Variants in NCOR2 observed in about 807,000 individuals in gnomAD.
The protein encoded by NCOR2 is CTG repeat protein 26.
NCOR2 carries 81 observed loss-of-function variants against 262.9 expected under a neutral mutation model. That is an observed-to-expected ratio of 0.31 (90% confidence interval 0.26 to 0.37). The LOEUF (loss-of-function observed/expected upper bound fraction) is 0.37, where lower values mean the gene tolerates loss of function less well. Among genes scored for constraint, NCOR2 ranks in the 10% least tolerant of loss-of-function variants. NCOR2 has a pLI of 1.00. For synonymous variants in NCOR2, 1,659 were observed against 1,559.3 expected (o/e 1.06, Z -1.51); for missense variants, 3,385 against 3,621.4 (o/e 0.93, Z 1.68).
chr12:124,444,143 G>A (rs1046189903), intron 7 of NCOR2, among the ~76,000 whole-genome samples: 48 of 152,210 alleles, frequency 3.2e-4, no homozygotes, highest in African/African-American at 1.1e-3. Flanking sequence ...GTTCCAAGCA[G>A]TGTTTAGGCA....
intron 18 of NCOR2, among the ~76,000 whole-genome samples, chr12:124,377,309 A>C (rs1488922188): frequency 6.6e-6 from 1 of 152,100 alleles, no homozygotes. Flanking sequence ...GGTGCAAACA[A>C]CACACTCCGT....
At chr12:124,497,287 G>A (rs1394879178), upstream of NCOR2, among the ~76,000 whole-genome samples, 2 of 152,188 alleles carry the variant, frequency 1.3e-5, no homozygotes, top group Non-Finnish European at 2.9e-5. The surrounding 1 kb of genome is among the most constrained non-coding windows in gnomAD (Gnocchi z 4.2). Flanking sequence ...CTGCCTGCGT[G>A]GGCTTTCCCA....
chr12:124,521,974 G>A lies in NCOR2; in HGVS notation c.-118+13591C>T, dbSNP rs138423988. 5.3e-5 allele frequency among the ~76,000 whole-genome samples: 8 copies of A among 152,276 alleles called. 1 individual carries two copies. The highest frequency in any genetic ancestry group is 1.9e-4 in the African/African-American group (8 of 41,544). On this transcript the variant is annotated intron_variant, in intron 1 of 46. Coordinates refer to the NCOR2 transcript ENST00000404621. ...AGAGGCTGCAGTGAGCCAAGATCAT[G>A]CCACTGCACTCCAGCCTGGGCAACA...
intron 1 of NCOR2, among the ~76,000 whole-genome samples, chr12:124,554,613 G>A (rs1318321758): frequency 1.3e-5 from 2 of 152,238 alleles, no homozygotes; most frequent in Non-Finnish European, 1.5e-5. Flanking sequence ...GACGGGGGCT[G>A]TGACACAGAG....
chr12:124,422,580 G>A (rs375234755), intron 11 of NCOR2, 25 bp from the exon 14 acceptor site: 1 of 1,613,316 alleles, frequency 6.2e-7, no homozygotes, highest in Non-Finnish European at 8.5e-7. Flanking sequence ...GGGTGGGCGT[G>A]AGACCTGGCC....
At chr12:124,348,018 G>A in intron 29 of NCOR2, 107 bp from the exon 32 acceptor site, 2 of 1,451,598 alleles carry the variant, frequency 1.4e-6, no homozygotes, top group South Asian at 1.3e-5. Flanking sequence ...CACGATGATG[G>A]TGGAGTAGGA....
At chr12:124,402,406 G>A (rs1327421884) in exon 14 of NCOR2, 2 of 1,614,008 alleles carry the variant, frequency 1.2e-6, no homozygotes, top group Non-Finnish European at 1.7e-6. Context: ...TGCCTTACTT[G>A]AGGAGGTCTT....
intron 13 of NCOR2, among the ~76,000 whole-genome samples, chr12:124,408,143 A>G (rs2042375998): frequency 6.6e-6 from 1 of 152,224 alleles, no homozygotes; most frequent in Non-Finnish European, 1.5e-5. Context: ...TCATGAGGTC[A>G]GGAAATCGAG....
At chr12:124,342,225 C>T (rs2036514145) in intron 33 of NCOR2, 151 bp from the exon 36 acceptor site, 19 of 903,480 alleles carry the variant, frequency 2.1e-5, no homozygotes, top group South Asian at 2.0e-4. Flanking sequence ...AACTGAGCGT[C>T]GGACAGCAGG....
At chr12:124,533,048 T>G (rs1403347322) in intron 1 of NCOR2, among the ~76,000 whole-genome samples, 1 of 83,418 alleles carries the variant, frequency 1.2e-5, no homozygotes, top group Non-Finnish European at 2.2e-5. Context: ...CCACTCCTCC[T>G]CCCCCACCCC....
At chr12:124,375,646 T>A (rs2039932841) in intron 18 of NCOR2, among the ~76,000 whole-genome samples, 1 of 152,216 alleles carries the variant, frequency 6.6e-6, no homozygotes, top group Non-Finnish European at 1.5e-5. Flanking sequence ...CCTTTCTGCC[T>A]GGAGGTCCCC....
rs1555297230 is a variant in NCOR2, at chr12:124,325,379, C to CG, written c.*22_*23insC. 24 of 317,126 alleles carry CG rather than the reference C, an allele frequency of 7.6e-5. 1 individual carries two copies. The highest frequency in any genetic ancestry group is 1.0e-4 in the Non-Finnish European group (20 of 194,302). The allele number at this position is 317,126 out of a possible 1,614,324, so 19.6% of individuals were successfully genotyped here. On this transcript the variant is annotated 3_prime_UTR_variant, in exon 47 of 47. Transcript: ENST00000405201. Reference sequence around the variant, plus strand: ...GTGGCTCGCTGGGACCTGACACCGCCCCCCCCCCCGCCCTGTTCTGAGTCA... The same window carrying CG: ...GTGGCTCGCTGGGACCTGACACCGCCGCCCCCCCCCGCCCTGTTCTGAGTCA...
chr12:124,471,328 C>T (rs2046822877), intron 4 of NCOR2, among the ~76,000 whole-genome samples: 1 of 152,162 alleles, frequency 6.6e-6, no homozygotes, highest in African/African-American at 2.4e-5. Context: ...CCCCTACTTC[C>T]TTGTCTGGAG....
intron 1 of NCOR2, among the ~76,000 whole-genome samples, chr12:124,526,599 C>G (rs367843423): frequency 3.3e-5 from 5 of 152,210 alleles, no homozygotes; most frequent in African/African-American, 1.2e-4. Flanking sequence ...ATGCCCAGCA[C>G]ATGCTCAGGT....
chr12:124,356,925 C>T, intron 22 of NCOR2, 143 bp from the exon 25 acceptor site: 1 of 1,035,738 alleles, frequency 9.7e-7, no homozygotes, highest in Non-Finnish European at 1.3e-6. Flanking sequence ...CGGGAAGCCC[C>T]CCAAGTCTGC....
chr12:124,344,719 G>T, exon 32 of NCOR2: 1 of 1,541,652 alleles, frequency 6.5e-7, no homozygotes. Flanking sequence ...ACCCAGCTCA[G>T]GCACAATGAC....
intron 44 of NCOR2, chr12:124,329,105 C>T (rs982283235): frequency 6.6e-5 from 31 of 470,452 alleles, no homozygotes; most frequent in African/African-American, 6.0e-4. Context: ...AAGTCTGACA[C>T]AGGTTGAGTG....
chr12:124,473,589 T>C (rs564036513), intron 3 of NCOR2, among the ~76,000 whole-genome samples: 54 of 152,132 alleles, frequency 3.5e-4, no homozygotes, highest in African/African-American at 1.3e-3. Context: ...ATGTAATATA[T>C]ATATATATTT....
chr12:124,359,100 C>CG (rs1431554804), intron 22 of NCOR2, among the ~76,000 whole-genome samples: 2 of 152,208 alleles, frequency 1.3e-5, no homozygotes, highest in Non-Finnish European at 2.9e-5. Flanking sequence ...AGCGGGGCCC[C>CG]GGGGCTCAGG....
Sources: gnomAD v4.1 joint callset for allele counts (sites outside exome capture counted in the v4.1 genomes callset) on GRCh38, gnomAD v4.1.1 for gene constraint, Gnocchi (gnomAD v3.1) non-coding constraint, MANE v1.5 for transcripts, NCBI Gene and HGNC (gene_info 2026-07-23, HGNC 2026-07-21) for gene names.